Variants in DENND1A observed in about 807,000 individuals in gnomAD.
DENND1A encodes the protein DENN domain-containing protein 1A.
In DENND1A, 51 loss-of-function variants were observed where a neutral mutation model predicts 113.7. The observed-to-expected ratio is 0.45, with a 90% confidence interval of 0.36 to 0.57. The LOEUF (loss-of-function observed/expected upper bound fraction) is 0.57, where lower values mean the gene tolerates loss of function less well. DENND1A is among the 20% of genes least tolerant of loss of function. The pLI is 0.00. For missense variants in DENND1A, 1,258 were observed against 1,395.9 expected, an observed-to-expected ratio of 0.90 and a Z score of 1.57; for synonymous variants, 565 against 570.8, an observed-to-expected ratio of 0.99 and a Z score of 0.14.
At chr9:123,786,241 A>G (rs570485378) in intron 3 of DENND1A, among the ~76,000 whole-genome samples, 3 of 152,136 alleles carry the variant, frequency 2.0e-5, no homozygotes, top group East Asian at 1.9e-4. Context: ...AGAAATGCAC[A>G]TATCTAAAAC....
chr9:123,475,215 T>C (rs567188482), intron 13 of DENND1A, among the ~76,000 whole-genome samples: 4 of 152,196 alleles, frequency 2.6e-5, no homozygotes, highest in Admixed American at 2.0e-4. Flanking sequence ...GACAGGGTTT[T>C]GTCATGTTGG....
intron 12 of DENND1A, among the ~76,000 whole-genome samples, chr9:123,561,817 C>T (rs374894357): frequency 3.9e-5 from 6 of 152,128 alleles, no homozygotes; most frequent in African/African-American, 1.4e-4. Flanking sequence ...CAGCATCATC[C>T]GGCCAGTCTC....
intron 13 of DENND1A, among the ~76,000 whole-genome samples, chr9:123,539,751 C>T (rs953800911): frequency 3.3e-5 from 5 of 151,912 alleles, no homozygotes; most frequent in African/African-American, 4.8e-5. Context: ...GGCACGGTGG[C>T]GGGCGCCTGT....
chr9:123,580,375 T>C (rs1224132022), intron 12 of DENND1A, among the ~76,000 whole-genome samples: 1 of 152,250 alleles, frequency 6.6e-6, no homozygotes, highest in Non-Finnish European at 1.5e-5. Flanking sequence ...CCTATTTCCC[T>C]GTGGTCTCTA....
chr9:123,699,931 C>G (rs1339459027), intron 5 of DENND1A, among the ~76,000 whole-genome samples: 1 of 152,186 alleles, frequency 6.6e-6, no homozygotes, highest in Non-Finnish European at 1.5e-5. Context: ...CTCCCAACCT[C>G]AGGTGATCCA....
intron 19 of DENND1A, chr9:123,414,468 G>T: frequency 2.0e-6 from 3 of 1,516,432 alleles, no homozygotes. Flanking sequence ...CTCACAGGGT[G>T]TCTGCTGAGA....
At chr9:123,590,451 T>C (rs1387420279) in intron 11 of DENND1A, among the ~76,000 whole-genome samples, 1 of 152,170 alleles carries the variant, frequency 6.6e-6, no homozygotes, top group African/African-American at 2.4e-5. Context: ...CTGTGCCAAC[T>C]TGGGTATGTC....
chr9:123,591,198 G>T (rs1041665557), intron 11 of DENND1A, among the ~76,000 whole-genome samples: 2 of 152,146 alleles, frequency 1.3e-5, no homozygotes, highest in African/African-American at 4.8e-5. Flanking sequence ...AAAACAATGG[G>T]ATTTCCTCCC....
intron 9 of DENND1A, among the ~76,000 whole-genome samples, chr9:123,650,817 G>C (rs905149821): frequency 4.9e-5 from 7 of 142,854 alleles, no homozygotes; most frequent in Non-Finnish European, 9.0e-5. Context: ...TGAAGCAAGA[G>C]AATTACTTGT....
chr9:123,783,223 T>G (rs1281422870), intron 3 of DENND1A, among the ~76,000 whole-genome samples: 1 of 152,256 alleles, frequency 6.6e-6, no homozygotes, highest in Non-Finnish European at 1.5e-5. Flanking sequence ...ATATTTTCAG[T>G]ACATTTTAGA....
intron 19 of DENND1A, among the ~76,000 whole-genome samples, chr9:123,415,117 G>A (rs925880791): frequency 1.3e-5 from 2 of 152,210 alleles, no homozygotes; most frequent in African/African-American, 4.8e-5. Flanking sequence ...GAGTGAGCCA[G>A]CGGGATATAA....
rs1035839476 is a variant in DENND1A at position 123,557,780 on chromosome 9, G to A, written c.868-85C>T. ...TAAGCCCACTACATATGGAGCCCTG[G>A]AAGATCCTACGGATGGCAGGATCCA... On this transcript the variant is annotated intron_variant, in intron 12 of 23. Transcript: ENST00000394215. 11 of 1,498,282 alleles carry A rather than the reference G, an allele frequency of 7.3e-6. No individual in the cohort carries two copies. In the Admixed American group the frequency reaches 1.9e-4, roughly 26 times the overall value. The allele number at this position is 1,498,282 out of a possible 1,614,324, so 92.8% of individuals were successfully genotyped here. A position where few individuals can be genotyped will look rare whatever the true frequency, so the allele number is the denominator to read the frequency against.
At chr9:123,924,112 A>G (rs927505427) in intron 1 of DENND1A, among the ~76,000 whole-genome samples, 5 of 152,254 alleles carry the variant, frequency 3.3e-5, no homozygotes, top group Admixed American at 2.6e-4. Flanking sequence ...ACACTCATGC[A>G]TGCTCCAACA....
At chr9:123,564,695 T>G (rs577185127) in intron 12 of DENND1A, among the ~76,000 whole-genome samples, 1 of 152,386 alleles carries the variant, frequency 6.6e-6, no homozygotes, top group African/African-American at 2.4e-5. Context: ...ACTTGAAATG[T>G]GGCTGGTGTG....
At chr9:123,709,358 A>G (rs1460504706) in intron 5 of DENND1A, among the ~76,000 whole-genome samples, 1 of 152,132 alleles carries the variant, frequency 6.6e-6, no homozygotes, top group African/African-American at 2.4e-5. Flanking sequence ...TCTCGTAATG[A>G]TCAAGCACTG....
chr9:123,728,247 G>A (rs2067858573), intron 5 of DENND1A, among the ~76,000 whole-genome samples: 2 of 151,808 alleles, frequency 1.3e-5, no homozygotes, highest in South Asian at 4.1e-4. Context: ...GGAGGCCAAG[G>A]CGGGCAGACA....
At chr9:123,662,597 G>A (rs1245047711) in intron 8 of DENND1A, among the ~76,000 whole-genome samples, 2 of 152,132 alleles carry the variant, frequency 1.3e-5, no homozygotes, top group Non-Finnish European at 1.5e-5. Context: ...AGTCATGCTA[G>A]GTCTAAAAAT....
chr9:123,587,879 G>A (rs756479977), intron 11 of DENND1A, among the ~76,000 whole-genome samples: 6 of 152,136 alleles, frequency 3.9e-5, no homozygotes, highest in Admixed American at 1.3e-4. Context: ...CCCCTAATCC[G>A]ATCGCTCAGA....
chr9:123,518,953 T>A (rs1043008626), intron 13 of DENND1A, among the ~76,000 whole-genome samples: 2 of 152,210 alleles, frequency 1.3e-5, no homozygotes, highest in African/African-American at 4.8e-5. Context: ...CTCTAAAACC[T>A]TGCATGACGT....
Sources: allele counts gnomAD v4.1 joint callset (sites outside exome capture counted in the v4.1 genomes callset), GRCh38; gene constraint gnomAD v4.1.1; transcripts MANE v1.5; gene names NCBI Gene and HGNC (gene_info 2026-07-23, HGNC 2026-07-21).